MIPEP: variants seen among roughly 807,000 people sequenced by gnomAD.
The protein encoded by MIPEP is mitochondrial intermediate peptidase.
Under a neutral mutation model 90.3 loss-of-function variants are expected in MIPEP, and 79 were observed. That is an observed-to-expected ratio of 0.87 (90% CI 0.73 to 1.05). MIPEP has a LOEUF of 1.05. Ranked by LOEUF, MIPEP falls within the 50% of genes least tolerant of loss-of-function variation. The pLI, the probability that MIPEP is intolerant of heterozygous loss-of-function variation, is 0.00. For synonymous variants in MIPEP, 334 were observed against 315.8 expected (o/e 1.06, Z -0.61); for missense variants, 940 against 905.6 (o/e 1.04, Z -0.49).
At chr13:23,802,517 G>A (rs778969206) in intron 16 of MIPEP, among the ~76,000 whole-genome samples, 25 of 152,090 alleles carry the variant, frequency 1.6e-4, no homozygotes, top group Non-Finnish European at 3.4e-4. Context: ...GCAGTGAGCC[G>A]AGACTGCACC....
chr13:23,886,338 C>T lies in MIPEP; in HGVS notation c.358G>A (p.Asp120Asn), dbSNP rs780533096. ...ELSDSLCRVA[D>N]LADFVKIAHP... ...TCTGAGGTAAAGCACCTTACCAAGT[C>T]GGCCACTCTGCATAAGGAATCCGAG... The change falls in exon 2 of 19, where the codon GAC (aspartate) becomes AAC (asparagine). Residue 120 changes from aspartate (D) to asparagine (N), a missense_variant. Asp to Asn is a conservative substitution (Grantham distance 23). Transcript: ENST00000382172. The T allele has an allele frequency of 1.2e-5, 19 of 1,532,114 alleles. No individual in the cohort carries two copies. The highest frequency in any genetic ancestry group is 1.5e-5 in the Non-Finnish European group (17 of 1,138,768). 94.9% of individuals were successfully genotyped at this position (1,532,114 alleles called of 1,614,324 possible). A position where few individuals can be genotyped will look rare whatever the true frequency, so the allele number is the denominator to read the frequency against.
intron 1 of MIPEP, 121 bp downstream of exon 1, chr13:23,889,011 G>T: frequency 2.1e-6 from 2 of 947,948 alleles, no homozygotes; most frequent in East Asian, 6.6e-5. Flanking sequence ...CACTGTAAAA[G>T]GTGGGTTCGC....
chr13:23,757,397 C>T (rs767138813), intron 17 of MIPEP, among the ~76,000 whole-genome samples: 24 of 152,068 alleles, frequency 1.6e-4, no homozygotes, highest in Non-Finnish European at 2.9e-4. Context: ...GTTCCCAGTA[C>T]CAGTCTGTGG....
In MIPEP at chr13:23,853,846, A is replaced by G. The variant is rs113927699; in HGVS notation, c.1106+5014T>C. On this transcript the variant is annotated intron_variant, in intron 10 of 18. Coordinates refer to ENST00000382172, the MANE Select transcript of MIPEP (RefSeq NM_005932.4). ...CTCCCAAAGTGCTGGGATTACAGGC[A>G]TGAGCCACTGTGCCCAGCCCACGAT... Among the ~76,000 whole-genome samples the G allele has an allele frequency of 2.6e-3, 395 of 151,750 alleles. 1 individual carries two copies. Among genetic ancestry groups the G allele is most frequent in the Middle Eastern group, 0.017 (5 of 294 alleles).
intron 14 of MIPEP, among the ~76,000 whole-genome samples, chr13:23,810,873 CAT>C (rs1401623947): frequency 2.0e-5 from 3 of 152,204 alleles, no homozygotes; most frequent in Non-Finnish European, 2.9e-5. Flanking sequence ...AAGTGAAAGA[CAT>C]AGAATCTGCT....
intron 14 of MIPEP, among the ~76,000 whole-genome samples, chr13:23,833,856 C>T (rs773613440): frequency 3.5e-4 from 53 of 152,276 alleles, no homozygotes; most frequent in Non-Finnish European, 5.3e-4. Context: ...CTGCACCACG[C>T]GCTCTCACTT....
In MIPEP at chr13:23,730,291, T is replaced by C; in HGVS notation, c.*57A>G. On this transcript the variant is annotated 3_prime_UTR_variant, in exon 19 of 19. Coordinates refer to ENST00000382172, the MANE Select transcript of MIPEP (RefSeq NM_005932.4). The stretch of plus-strand genomic sequence containing the variant: ...GAAACAAGCTCTCACAGCTGTAGCA[T>C]TTATAACAAAGTCATTATCTACATG... The C allele has an allele frequency of 8.6e-7, 1 of 1,156,564 alleles. No homozygotes were observed. The allele number at this position is 1,156,564 out of a possible 1,614,324, so 71.6% of individuals were successfully genotyped here.
chr13:23,828,679 G>A (rs2137440124), intron 14 of MIPEP, among the ~76,000 whole-genome samples: 1 of 152,302 alleles, frequency 6.6e-6, no homozygotes, highest in South Asian at 2.1e-4. Flanking sequence ...AAGAAATGGA[G>A]AGATATGCCA....
chr13:23,795,265 A>G (rs935711085), intron 16 of MIPEP, among the ~76,000 whole-genome samples: 1 of 152,096 alleles, frequency 6.6e-6, no homozygotes, highest in Non-Finnish European at 1.5e-5. Flanking sequence ...TAAATTGAAT[A>G]CTCTGGAGAG....
chr13:23,821,099 C>T (rs1451116114), intron 14 of MIPEP, among the ~76,000 whole-genome samples: 2 of 152,186 alleles, frequency 1.3e-5, no homozygotes, highest in Non-Finnish European at 2.9e-5. Context: ...CAGATATCAC[C>T]TATCAACTAT....
At chr13:23,857,099 T>G (rs1057437273) in intron 10 of MIPEP, among the ~76,000 whole-genome samples, 1 of 152,106 alleles carries the variant, frequency 6.6e-6, no homozygotes, top group African/African-American at 2.4e-5. Context: ...TATTACTGAT[T>G]TATGCTACAT....
rs1308731064 is a variant in MIPEP, at chr13:23,889,354, G to A, written c.-34C>T. The A allele has an allele frequency of 1.5e-6, 2 of 1,292,992 alleles. No individual in the cohort carries two copies. Among genetic ancestry groups the A allele is most frequent in the Non-Finnish European group, 2.0e-6 (2 of 1,019,624 alleles). 80.1% of individuals were successfully genotyped at this position (1,292,992 alleles called of 1,614,324 possible). A position where few individuals can be genotyped will look rare whatever the true frequency, so the allele number is the denominator to read the frequency against. ...CAGAGCAGTCCCTTCCTCCAACGCA[G>A]ATCCCTGCCCTGCTGCTTTCGCTGG... On this transcript the variant is annotated 5_prime_UTR_variant, in exon 1 of 19. Transcript: ENST00000382172.
At chr13:23,855,887 C>T (rs902419080) in intron 10 of MIPEP, among the ~76,000 whole-genome samples, 1 of 152,200 alleles carries the variant, frequency 6.6e-6, no homozygotes, top group African/African-American at 2.4e-5. Flanking sequence ...CTGGTGATTT[C>T]AAGGACTTAG....
At chr13:23,773,922 C>T (rs369994731) in intron 16 of MIPEP, among the ~76,000 whole-genome samples, 8 of 152,074 alleles carry the variant, frequency 5.3e-5, no homozygotes, top group African/African-American at 1.9e-4. Context: ...AAAATTTGTC[C>T]CCATTAAAAT....
At chr13:23,789,834 A>T (rs1952882655) in intron 16 of MIPEP, among the ~76,000 whole-genome samples, 1 of 152,004 alleles carries the variant, frequency 6.6e-6, no homozygotes, top group Non-Finnish European at 1.5e-5. Flanking sequence ...CACTGCGATC[A>T]GTCTTGAGAC....
rs59398904 is a variant in MIPEP, at chr13:23,794,934, A to G, written c.1848+11016T>C. 8.7e-3 allele frequency among the ~76,000 whole-genome samples: 1,330 copies of G among 152,356 alleles called. 17 individuals are homozygous for G. The highest frequency in any genetic ancestry group is 0.026 in the African/African-American group (1,093 of 41,580). On this transcript the variant is annotated intron_variant, in intron 16 of 18. Transcript: ENST00000382172. ...AAACCTAGCATGACACAGAAAGTAA[A>G]TATTTTTTCAGTTGTTTATGCAGGC...
intron 10 of MIPEP, among the ~76,000 whole-genome samples, chr13:23,843,097 C>CAAAAAAAAA (rs397977292): frequency 1.9e-5 from 1 of 53,570 alleles, no homozygotes. Flanking sequence ...CTCTCCATCT[C>CAAAAAAAAA]AAAAAAAAAA....
rs7490614 is a variant in MIPEP, at chr13:23,798,720, C to A, written c.1848+7230G>T. ...CGGGTTGTTTAAAAGTATGTGGCAC[C>A]TACCCTCTCTCTCTCTTGCTCCTGC... On this transcript the variant is annotated intron_variant, in intron 16 of 18. Coordinates refer to ENST00000382172, the MANE Select transcript of MIPEP (RefSeq NM_005932.4). 0.026 allele frequency among the ~76,000 whole-genome samples: 3,912 copies of A among 152,116 alleles called. 397 individuals are homozygous for A. In the East Asian group the frequency reaches 0.34, roughly 13 times the overall value.
chr13:23,864,848 G>A (rs1180134686), intron 7 of MIPEP, among the ~76,000 whole-genome samples: 1 of 151,606 alleles, frequency 6.6e-6, no homozygotes, highest in Admixed American at 6.6e-5. Flanking sequence ...CATGTCTGAC[G>A]TTTTCAGAGT....
Sources: allele counts gnomAD v4.1 joint callset (sites outside exome capture counted in the v4.1 genomes callset), GRCh38; gene constraint gnomAD v4.1.1; transcripts MANE v1.5; gene names NCBI Gene and HGNC (gene_info 2026-07-23, HGNC 2026-07-21).